Variants in SH3BP5 observed in about 807,000 individuals in gnomAD.
SH3BP5 encodes SH3 domain binding protein 5, also known as SH3 domain-binding protein 5.
SH3BP5 carries 22 observed loss-of-function variants against 43.3 expected under a neutral mutation model. The observed-to-expected ratio is 0.51, with a 90% CI of 0.36 to 0.73. The LOEUF (loss-of-function observed/expected upper bound fraction) is 0.73, where lower values mean the gene tolerates loss of function less well. Ranked by LOEUF, SH3BP5 falls within the 30% of genes least tolerant of loss-of-function variation. The pLI is 0.00. For missense variants in SH3BP5, 529 were observed against 586.9 expected, an observed-to-expected ratio of 0.90 and a Z score of 1.02; for synonymous variants, 255 against 225.8, an observed-to-expected ratio of 1.13 and a Z score of -1.16.
chr3:15,323,064 G>A (rs551862135), intron 2 of SH3BP5, among the ~76,000 whole-genome samples: 1 of 152,148 alleles, frequency 6.6e-6, no homozygotes, highest in South Asian at 2.1e-4. Flanking sequence ...GCTTGAACCT[G>A]GGAGGCAGTG....
intron 6 of SH3BP5, 159 bp downstream of exon 6, chr3:15,259,602 C>T: frequency 2.6e-6 from 2 of 782,718 alleles, no homozygotes; most frequent in Non-Finnish European, 4.6e-6. Context: ...CCACTGAAGA[C>T]CCAACCGAGA....
At chr3:15,295,772 C>T (rs1283399909) in intron 3 of SH3BP5, among the ~76,000 whole-genome samples, 1 of 152,068 alleles carries the variant, frequency 6.6e-6, no homozygotes, top group East Asian at 1.9e-4. Context: ...GAAAACATGG[C>T]TGGATTTGTG....
chr3:15,299,301 C>T (rs1697663325), intron 3 of SH3BP5, among the ~76,000 whole-genome samples: 1 of 152,068 alleles, frequency 6.6e-6, no homozygotes, highest in African/African-American at 2.4e-5. Flanking sequence ...GTGCCCTGCC[C>T]CCAACCTGGC....
rs1292659626 is a variant in SH3BP5 at position 15,258,906 on chromosome 3, C to T, written c.814G>A (p.Gly272Ser). The T allele has an allele frequency of 3.1e-6, 5 of 1,614,232 alleles. No individual in the cohort carries two copies. The highest frequency in any genetic ancestry group is 4.2e-6 in the Non-Finnish European group (5 of 1,180,042). Residue 272 changes from glycine to serine, a missense_variant, in exon 7 of 9, where the codon GGT (glycine) becomes AGT (serine). By Grantham distance (56) the Gly-to-Ser change is moderately conservative (BLOSUM62 0). Around this residue, in one of 3 missense-constraint regions of SH3BP5, gnomAD observed 369 missense variants for 384.3 expected, o/e 0.96. Transcript: ENST00000383791. ...RSSAMGPRGC[G>S]VGAEGSSTSV... is the part of the protein sequence containing the mutation. ...GTGCTGCTGCCCTCAGCACCAACAC[C>T]GCATCCCCGAGGCCCCATGGCACTG...
At chr3:15,284,805 T>G (rs1230211492) in intron 3 of SH3BP5, among the ~76,000 whole-genome samples, 1 of 152,206 alleles carries the variant, frequency 6.6e-6, no homozygotes, top group East Asian at 1.9e-4. Flanking sequence ...CTTTCTACTC[T>G]TGGCCTATGA....
intron 7 of SH3BP5, among the ~76,000 whole-genome samples, chr3:15,257,923 A>G (rs1696279695): frequency 6.6e-6 from 1 of 152,192 alleles, no homozygotes; most frequent in Admixed American, 6.5e-5. Context: ...GGGGACAGAA[A>G]ATGGGCTCAG....
intron 3 of SH3BP5, among the ~76,000 whole-genome samples, chr3:15,272,231 GA>G (rs1476862634): frequency 6.6e-6 from 1 of 152,208 alleles, no homozygotes; most frequent in Non-Finnish European, 1.5e-5. Flanking sequence ...AGCACTCTGT[GA>G]TTGTGTACTG....
Position 15,259,024 on chromosome 3 carries a change from C to T in SH3BP5, c.696G>A (p.Leu232=). The T allele has an allele frequency of 6.2e-7, 1 of 1,614,188 alleles. No homozygotes were observed. Among genetic ancestry groups the T allele is most frequent in the Non-Finnish European group, 8.5e-7 (1 of 1,180,000 alleles). ...LEQLKKTVDD[L]QAKLTLAKGE... ...CTTTTGCCAGGGTCAGTTTGGCCTG[C>T]AGGTCATCCACAGTCTTTTTCAGTT... Residue 232 remains leucine (L), a synonymous_variant, in exon 7 of 9, where the codon CTG becomes CTA. Transcript: ENST00000383791.
intron 1 of SH3BP5, chr3:15,330,904 G>C (rs1698594045): frequency 4.8e-6 from 1 of 210,270 alleles, no homozygotes. Flanking sequence ...TCTGCCTTGA[G>C]CAAGAACTTT....
At chr3:15,329,383 A>G (rs1322162077) in intron 2 of SH3BP5, among the ~76,000 whole-genome samples, 3 of 152,232 alleles carry the variant, frequency 2.0e-5, no homozygotes, top group Non-Finnish European at 4.4e-5. Flanking sequence ...GACTCAATTC[A>G]TAAGTGAAAG....
chr3:15,261,077 G>C (rs574134647), intron 5 of SH3BP5, among the ~76,000 whole-genome samples: 1 of 152,316 alleles, frequency 6.6e-6, no homozygotes, highest in East Asian at 1.9e-4. Flanking sequence ...CTTGCCCAGA[G>C]CAGGCACAGG....
chr3:15,338,213 T>C (rs954677156), intron 1 of SH3BP5, among the ~76,000 whole-genome samples: 3 of 152,024 alleles, frequency 2.0e-5, no homozygotes, highest in Admixed American at 6.6e-5. Context: ...TGTGGTGGTG[T>C]GCACCTGTAG....
chr3:15,317,708 A>C (rs1451389352), intron 2 of SH3BP5, among the ~76,000 whole-genome samples: 1 of 152,196 alleles, frequency 6.6e-6, no homozygotes, highest in African/African-American at 2.4e-5. Context: ...GTGGTTCAAA[A>C]TTTATTCAAC....
At chr3:15,324,396 G>C (rs1698407975) in intron 2 of SH3BP5, among the ~76,000 whole-genome samples, 1 of 152,192 alleles carries the variant, frequency 6.6e-6, no homozygotes, top group African/African-American at 2.4e-5. Flanking sequence ...CTGATTATTT[G>C]TTGACCACCC....
At chr3:15,292,422 G>T (rs77033799) in intron 3 of SH3BP5, among the ~76,000 whole-genome samples, 1 of 152,274 alleles carries the variant, frequency 6.6e-6, no homozygotes, top group African/African-American at 2.4e-5. Context: ...CAACTAACAA[G>T]GTGATGGAGG....
chr3:15,270,963 G>GTAAGAC (rs1185796178), intron 3 of SH3BP5, among the ~76,000 whole-genome samples: 9 of 148,048 alleles, frequency 6.1e-5, no homozygotes, highest in Non-Finnish European at 4.5e-5. Flanking sequence ...CCAATTGAAT[G>GTAAGAC]TAAGACATCC....
At chr3:15,307,899 G>A (rs565710288) in intron 2 of SH3BP5, among the ~76,000 whole-genome samples, 1 of 152,292 alleles carries the variant, frequency 6.6e-6, no homozygotes, top group East Asian at 1.9e-4. Context: ...GGCCTACTCT[G>A]TTAAATGAGA....
At chr3:15,260,024 G>A in intron 5 of SH3BP5, 1 of 585,124 alleles carries the variant, frequency 1.7e-6, no homozygotes, top group South Asian at 2.0e-5. Flanking sequence ...ATATTAACAG[G>A]AGGCCCATCT....
At chr3:15,326,288 T>C (rs1302973260) in intron 2 of SH3BP5, among the ~76,000 whole-genome samples, 2 of 152,166 alleles carry the variant, frequency 1.3e-5, no homozygotes, top group African/African-American at 2.4e-5. Flanking sequence ...TTTTGCAATC[T>C]GGAATTTAAA....
Sources: allele counts gnomAD v4.1 joint callset (sites outside exome capture counted in the v4.1 genomes callset), GRCh38; gene constraint gnomAD v4.1.1; regional missense constraint gnomAD v4.1.1; transcripts MANE v1.5; gene names NCBI Gene and HGNC (gene_info 2026-07-23, HGNC 2026-07-21).